CCDC150: variants seen among roughly 807,000 people sequenced by gnomAD.
CCDC150 encodes the protein coiled-coil domain-containing protein 150.
Under a neutral mutation model 156.5 loss-of-function variants are expected in CCDC150, and 151 were observed. The observed-to-expected ratio is 0.97, with a 90% confidence interval of 0.85 to 1.10. CCDC150 has a LOEUF of 1.10. Among genes scored for constraint, CCDC150 ranks in the 50% least tolerant of loss-of-function variants. The pLI, the probability that CCDC150 is intolerant of heterozygous loss-of-function variation, is 0.00. For synonymous variants in CCDC150, 452 were observed against 429.4 expected (o/e 1.05, Z -0.65); for missense variants, 1,312 against 1,268.1 (o/e 1.03, Z -0.53).
intron 15 of CCDC150, among the ~76,000 whole-genome samples, chr2:196,703,211 C>G (rs780790354): frequency 1.3e-5 from 2 of 152,210 alleles, no homozygotes; most frequent in Non-Finnish European, 2.9e-5. Context: ...AACACATCAG[C>G]ATTAACCTCA....
chr2:196,642,276 C>T (rs1467638435), intron 1 of CCDC150, among the ~76,000 whole-genome samples: 1 of 152,178 alleles, frequency 6.6e-6, no homozygotes, highest in East Asian at 1.9e-4. Context: ...AGATTGTTTT[C>T]ATGTAAGACT....
chr2:196,669,595 T>C (rs542406827), intron 7 of CCDC150, among the ~76,000 whole-genome samples: 1 of 152,332 alleles, frequency 6.6e-6, no homozygotes, highest in Non-Finnish European at 1.5e-5. Context: ...AAAAATCTTT[T>C]GATCATGCCC....
At chr2:196,713,356 G>T in intron 17 of CCDC150, 1 of 1,453,978 alleles carries the variant, frequency 6.9e-7, no homozygotes. Context: ...AATAATTGAC[G>T]ATGCCTCTAA....
intron 2 of CCDC150, 42 bp downstream of exon 2, chr2:196,646,546 G>T (rs780172294): frequency 6.7e-7 from 1 of 1,492,790 alleles, no homozygotes; most frequent in Non-Finnish European, 9.3e-7. Flanking sequence ...GAAGAATTTT[G>T]CTTCACTGCT....
At position 196,719,686 on chromosome 2, in the gene CCDC150, CCT is replaced by C; in HGVS notation, c.2165+21_2165+22del. On this transcript the variant is annotated intron_variant, in intron 19 of 27. Transcript: ENST00000389175. ...AGAAAGGTACCTGTGGTTTTTTTTC[CCT>C]GTCATTGGTATTGCTGGATTGTACT... 1 of 1,582,736 alleles carries C rather than the reference CCT, an allele frequency of 6.3e-7. No individual in the cohort carries two copies. Among genetic ancestry groups the C allele is most frequent in the African/African-American group, 1.4e-5 (1 of 73,606 alleles).
At chr2:196,697,509 G>A (rs765347089) in intron 14 of CCDC150, among the ~76,000 whole-genome samples, 5 of 151,986 alleles carry the variant, frequency 3.3e-5, no homozygotes, top group Non-Finnish European at 7.4e-5. Context: ...CACCAGACAG[G>A]AATATAATTC....
intron 1 of CCDC150, among the ~76,000 whole-genome samples, chr2:196,643,403 A>G (rs1274364061): frequency 3.3e-5 from 5 of 151,264 alleles, no homozygotes; most frequent in Non-Finnish European, 7.4e-5. Context: ...CTACCGCGAC[A>G]TGTTGGACCT....
chr2:196,720,987 G>A (rs1697847406), intron 20 of CCDC150, among the ~76,000 whole-genome samples: 1 of 151,950 alleles, frequency 6.6e-6, no homozygotes, highest in African/African-American at 2.4e-5. Context: ...AGAAACACCT[G>A]GAGTGATCCC....
At chr2:196,688,291 G>C (rs888190753) in intron 13 of CCDC150, among the ~76,000 whole-genome samples, 5 of 152,020 alleles carry the variant, frequency 3.3e-5, no homozygotes, top group Non-Finnish European at 7.4e-5. Context: ...GCAGTGTTTT[G>C]TAGTTCTTGT....
At chr2:196,720,128 ATTCCT>A (rs1697792516) in intron 19 of CCDC150, 1 of 407,372 alleles carries the variant, frequency 2.5e-6, no homozygotes, top group Non-Finnish European at 5.0e-6. Flanking sequence ...TTATAAGTAA[ATTCCT>A]TTATAGAATG....
chr2:196,713,052 A>C (rs1697242645), intron 17 of CCDC150: 3 of 472,680 alleles, frequency 6.3e-6, no homozygotes, highest in Non-Finnish European at 1.1e-5. Context: ...ATATGTTTTC[A>C]AATGGAATAC....
intron 5 of CCDC150, among the ~76,000 whole-genome samples, chr2:196,659,465 C>T (rs1266960775): frequency 6.6e-6 from 1 of 152,108 alleles, no homozygotes; most frequent in Non-Finnish European, 1.5e-5. Context: ...TTAAAAGATT[C>T]TGTTAATACA....
intron 14 of CCDC150, among the ~76,000 whole-genome samples, chr2:196,697,002 T>C (rs950262846): frequency 6.6e-6 from 1 of 152,230 alleles, no homozygotes; most frequent in Non-Finnish European, 1.5e-5. Flanking sequence ...TCTCTTCTAG[T>C]GTAGGTATCC....
intron 13 of CCDC150, among the ~76,000 whole-genome samples, chr2:196,694,824 T>G (rs1277983587): frequency 2.0e-5 from 3 of 152,108 alleles, no homozygotes; most frequent in Admixed American, 2.0e-4. Context: ...ATCACACAAC[T>G]GCACTCCAGC....
At chr2:196,644,452 A>G (rs1312495693) in intron 1 of CCDC150, among the ~76,000 whole-genome samples, 1 of 152,130 alleles carries the variant, frequency 6.6e-6, no homozygotes, top group Non-Finnish European at 1.5e-5. Flanking sequence ...GGTTTATGGC[A>G]GCTGATCCAG....
intron 21 of CCDC150, among the ~76,000 whole-genome samples, 171 bp from the exon 22 acceptor site, chr2:196,725,802 C>CT (rs1698175265): frequency 6.6e-6 from 1 of 152,158 alleles, no homozygotes; most frequent in African/African-American, 2.4e-5. Context: ...AAATTCACTT[C>CT]TTTTTTCTTC....
intron 4 of CCDC150, 122 bp downstream of exon 4, chr2:196,657,258 C>T (rs1345428868): frequency 2.1e-6 from 2 of 940,160 alleles, no homozygotes; most frequent in Non-Finnish European, 3.2e-6. Context: ...TGGCATTTGA[C>T]ATTTGGCATG....
intron 20 of CCDC150, 64 bp from the exon 21 acceptor site, chr2:196,721,458 A>G: frequency 8.0e-7 from 1 of 1,242,498 alleles, no homozygotes; most frequent in Admixed American, 3.1e-5. Flanking sequence ...GTGATTACAC[A>G]GTGTTATGGA....
At chr2:196,707,618 A>T (rs1255399710) in intron 15 of CCDC150, among the ~76,000 whole-genome samples, 1 of 152,000 alleles carries the variant, frequency 6.6e-6, no homozygotes, top group African/African-American at 2.4e-5. Context: ...TTGATTTTAG[A>T]TCTTTCCTGC....
Sources: allele counts gnomAD v4.1 joint callset (sites outside exome capture counted in the v4.1 genomes callset), GRCh38; gene constraint gnomAD v4.1.1; transcripts MANE v1.5; gene names NCBI Gene and HGNC (gene_info 2026-07-23, HGNC 2026-07-21).